NDUFAF2: variants seen among roughly 807,000 people sequenced by gnomAD.
NDUFAF2 encodes the protein NADH:ubiquinone oxidoreductase complex assembly factor 2, also known as NADH dehydrogenase [ubiquinone] 1 alpha subcomplex assembly factor 2.
NDUFAF2 carries 13 observed loss-of-function variants against 22.8 expected under a neutral mutation model. That is an observed-to-expected ratio of 0.57 (90% CI 0.37 to 0.91). The LOEUF (loss-of-function observed/expected upper bound fraction) is 0.91, where lower values mean the gene tolerates loss of function less well. Among genes scored for constraint, NDUFAF2 ranks in the 40% least tolerant of loss-of-function variants. The pLI is 0.01. For synonymous variants in NDUFAF2, 53 were observed against 64.2 expected (o/e 0.83, Z 0.84); for missense variants, 162 against 195.2 (o/e 0.83, Z 1.01).
chr5:61,068,113 A>G (rs1164944013), intron 1 of NDUFAF2, among the ~76,000 whole-genome samples: 1 of 152,140 alleles, frequency 6.6e-6, no homozygotes, highest in Non-Finnish European at 1.5e-5. Flanking sequence ...AACATAAAGA[A>G]TGTATGGATC....
Position 61,098,945 on chromosome 5 carries a change from G to A in NDUFAF2, c.218-47G>A, listed in dbSNP as rs148765359. On this transcript the variant is annotated intron_variant, in intron 2 of 3. Transcript: ENST00000296597. ...ATTTGTTTTATGGATAAAAATGTTT[G>A]TGTAAATTATGGGAAACTGACATTT... 14,321 of 1,515,320 alleles carry A rather than the reference G, an allele frequency of 9.5e-3. 116 individuals are homozygous for A. Among genetic ancestry groups the A allele is most frequent in the South Asian group, 0.026 (2,239 of 86,030 alleles). 93.9% of individuals were successfully genotyped at this position (1,515,320 alleles called of 1,614,324 possible). A position where few individuals can be genotyped will look rare whatever the true frequency, so the allele number is the denominator to read the frequency against.
At chr5:61,013,127 T>C (rs1196471853) in intron 1 of NDUFAF2, among the ~76,000 whole-genome samples, 1 of 152,074 alleles carries the variant, frequency 6.6e-6, no homozygotes, top group Non-Finnish European at 1.5e-5. Context: ...TAAAAATGAT[T>C]GTTAGTGTTG....
intron 1 of NDUFAF2, among the ~76,000 whole-genome samples, chr5:60,955,227 T>G (rs1750599642): frequency 6.6e-6 from 1 of 152,226 alleles, no homozygotes; most frequent in African/African-American, 2.4e-5. Context: ...TTAATTCATA[T>G]TGAGTTGATT....
chr5:61,008,356 A>G (rs1391314324), intron 1 of NDUFAF2, among the ~76,000 whole-genome samples: 3 of 152,154 alleles, frequency 2.0e-5, no homozygotes, highest in South Asian at 2.1e-4. Flanking sequence ...TGATGTTACT[A>G]CAAAGAATAG....
chr5:61,059,418 G>A (rs1752137058), intron 1 of NDUFAF2, among the ~76,000 whole-genome samples: 1 of 151,624 alleles, frequency 6.6e-6, no homozygotes, highest in Admixed American at 6.6e-5. Flanking sequence ...TTTTATTTGT[G>A]GCTTTAAAAA....
At chr5:60,994,546 C>G (rs1297948122) in intron 1 of NDUFAF2, among the ~76,000 whole-genome samples, 1 of 152,210 alleles carries the variant, frequency 6.6e-6, no homozygotes, top group Non-Finnish European at 1.5e-5. Context: ...AGCAACCACT[C>G]CAGATGGCCG....
At chr5:60,959,081 A>T (rs1750652484) in intron 1 of NDUFAF2, among the ~76,000 whole-genome samples, 1 of 152,112 alleles carries the variant, frequency 6.6e-6, no homozygotes, top group Admixed American at 6.5e-5. Flanking sequence ...ATATACTAAA[A>T]ATTATAATGA....
intron 1 of NDUFAF2, among the ~76,000 whole-genome samples, chr5:61,004,385 T>C (rs567557894): frequency 6.6e-6 from 1 of 152,190 alleles, no homozygotes; most frequent in African/African-American, 2.4e-5. Flanking sequence ...TTTTTAATAA[T>C]ACAAGAGTCT....
rs1240336890 is a variant in NDUFAF2 at position 61,147,437 on chromosome 5, C to CTTTTTTTTT, written c.259-5258_259-5250dup. Among the ~76,000 whole-genome samples the CTTTTTTTTT allele has an allele frequency of 3.7e-4, 31 of 84,732 alleles. 2 individuals carry two copies. Among genetic ancestry groups the CTTTTTTTTT allele is most frequent in the African/African-American group, 8.2e-4 (20 of 24,280 alleles). 55.6% of individuals were successfully genotyped at this position (84,732 alleles called of 152,430 possible). A position where few individuals can be genotyped will look rare whatever the true frequency, so the allele number is the denominator to read the frequency against. ...CTAATTTTTGTATTTTTTTTTCTTT[C>CTTTTTTTTT]TTTTTTTTTTTTTTTTTGTAGCAAC... On this transcript the variant is annotated intron_variant, in intron 3 of 3. Coordinates refer to ENST00000296597, the MANE Select transcript of NDUFAF2 (RefSeq NM_174889.5).
intron 2 of NDUFAF2, among the ~76,000 whole-genome samples, chr5:61,074,027 G>A (rs543612233): frequency 6.6e-6 from 1 of 152,324 alleles, no homozygotes; most frequent in Non-Finnish European, 1.5e-5. Context: ...TCTGAATGAA[G>A]TTCATCTGCA....
intron 3 of NDUFAF2, among the ~76,000 whole-genome samples, chr5:61,133,905 T>C (rs1387094221): frequency 4.6e-5 from 7 of 152,240 alleles, no homozygotes; most frequent in Admixed American, 4.6e-4. Flanking sequence ...ACATACACTT[T>C]TACCCTCTGC....
chr5:61,128,227 G>T (rs1320287122), intron 3 of NDUFAF2, among the ~76,000 whole-genome samples: 2 of 152,122 alleles, frequency 1.3e-5, no homozygotes, highest in Non-Finnish European at 2.9e-5. Flanking sequence ...ACTGCCCAAG[G>T]TAATTTATAG....
chr5:61,124,845 A>G (rs1753016262), intron 3 of NDUFAF2, among the ~76,000 whole-genome samples: 1 of 152,098 alleles, frequency 6.6e-6, no homozygotes, highest in African/African-American at 2.4e-5. Flanking sequence ...GAGACTGGGT[A>G]ATTTATAAAG....
Position 61,133,964 on chromosome 5 carries a change from A to C in NDUFAF2, c.259-18740A>C, listed in dbSNP as rs138152729. On this transcript the variant is annotated intron_variant, in intron 3 of 3. Coordinates refer to ENST00000296597, the MANE Select transcript of NDUFAF2 (RefSeq NM_174889.5). Reference sequence around the variant, plus strand: ...AAATCTACTAAAAATTATCTGGTGAAAATACGTAATTTGGCATAATTTATA... The same window carrying C: ...AAATCTACTAAAAATTATCTGGTGACAATACGTAATTTGGCATAATTTATA... 3.6e-3 allele frequency among the ~76,000 whole-genome samples: 548 copies of C among 152,326 alleles called. 7 individuals are homozygous for C. The highest frequency in any genetic ancestry group is 0.013 in the African/African-American group (522 of 41,580).
intron 1 of NDUFAF2, among the ~76,000 whole-genome samples, chr5:60,988,899 A>T (rs1751119531): frequency 6.6e-6 from 1 of 152,216 alleles, no homozygotes; most frequent in Non-Finnish European, 1.5e-5. Flanking sequence ...ACCAAAAGCA[A>T]TTTCAACCAA....
At chr5:61,086,873 A>G (rs1049535951) in intron 2 of NDUFAF2, among the ~76,000 whole-genome samples, 1 of 152,166 alleles carries the variant, frequency 6.6e-6, no homozygotes, top group Non-Finnish European at 1.5e-5. Context: ...ATACATGTCT[A>G]ACATCGAACT....
chr5:60,961,048 G>T (rs1750677001), intron 1 of NDUFAF2, among the ~76,000 whole-genome samples: 1 of 152,170 alleles, frequency 6.6e-6, no homozygotes. Context: ...ATTGTTGATG[G>T]TAGTGGTGAT....
At chr5:61,104,582 C>T (rs745798093) in intron 3 of NDUFAF2, among the ~76,000 whole-genome samples, 1 of 152,014 alleles carries the variant, frequency 6.6e-6, no homozygotes, top group Non-Finnish European at 1.5e-5. Flanking sequence ...GATAGGACAA[C>T]ACATCATAGT....
At chr5:61,131,226 CACTT>C (rs1451855749) in intron 3 of NDUFAF2, among the ~76,000 whole-genome samples, 1 of 148,070 alleles carries the variant, frequency 6.8e-6, no homozygotes, top group Non-Finnish European at 1.5e-5. Context: ...GGCAGGGTCT[CACTT>C]TCTTTCCCAG....
Sources: allele counts gnomAD v4.1 joint callset (sites outside exome capture counted in the v4.1 genomes callset), GRCh38; gene constraint gnomAD v4.1.1; transcripts MANE v1.5; gene names NCBI Gene and HGNC (gene_info 2026-07-23, HGNC 2026-07-21).